The following ALPK1 variants were observed in gnomAD, a reference collection of about 807,000 sequenced individuals.
ALPK1 encodes alpha kinase 1, also known as alpha-protein kinase 1.
ALPK1 carries 110 observed loss-of-function variants against 120.6 expected under a neutral mutation model. That is an observed-to-expected ratio of 0.91 (90% CI 0.78 to 1.07). The LOEUF (loss-of-function observed/expected upper bound fraction) is 1.07, where lower values mean the gene tolerates loss of function less well. Among genes scored for constraint, ALPK1 ranks in the 50% least tolerant of loss-of-function variants. The pLI is 0.00. For missense variants in ALPK1, 1,498 were observed against 1,483.9 expected (o/e 1.01, Z -0.16); for synonymous variants, 582 against 560.3 (o/e 1.04, Z -0.55).
chr4:112,301,752 T>C (rs976073578), intron 1 of ALPK1, among the ~76,000 whole-genome samples: 3 of 152,108 alleles, frequency 2.0e-5, no homozygotes, highest in Non-Finnish European at 1.5e-5. Context: ...TATTTACTTA[T>C]TTATTTATTT....
chr4:112,424,883 T>A (rs1734168507), intron 6 of ALPK1, among the ~76,000 whole-genome samples: 1 of 152,230 alleles, frequency 6.6e-6, no homozygotes, highest in Admixed American at 6.5e-5. Context: ...CTATTTTTGA[T>A]GTTTGACCGA....
intron 2 of ALPK1, among the ~76,000 whole-genome samples, chr4:112,330,888 C>T (rs763304010): frequency 2.6e-5 from 4 of 152,190 alleles, no homozygotes; most frequent in Non-Finnish European, 4.4e-5. Flanking sequence ...AGTAAGTCCA[C>T]AGACGGTATT....
chr4:112,299,174 T>C (rs916068647), intron 1 of ALPK1, among the ~76,000 whole-genome samples: 25 of 152,136 alleles, frequency 1.6e-4, no homozygotes, highest in African/African-American at 6.0e-4. Context: ...TTGCAGAATG[T>C]TGTAATATGC....
At chr4:112,401,524 T>C (rs1732913497) in intron 4 of ALPK1, among the ~76,000 whole-genome samples, 1 of 152,116 alleles carries the variant, frequency 6.6e-6, no homozygotes, top group Non-Finnish European at 1.5e-5. Context: ...TAGAAGAAGA[T>C]AGTTGGAGAG....
chr4:112,359,668 G>T, intron 2 of ALPK1: 1 of 241,892 alleles, frequency 4.1e-6, no homozygotes, highest in East Asian at 9.4e-5. Flanking sequence ...GGGGCCTTGG[G>T]GGAGGATGGT....
chr4:112,426,793 C>T (rs949785551), intron 8 of ALPK1, among the ~76,000 whole-genome samples: 2 of 152,152 alleles, frequency 1.3e-5, no homozygotes, highest in African/African-American at 4.8e-5. Context: ...ATATATTTAT[C>T]TCTACTGGTC....
intron 2 of ALPK1, among the ~76,000 whole-genome samples, chr4:112,374,694 G>T (rs1731572786): frequency 6.6e-6 from 1 of 152,032 alleles, no homozygotes; most frequent in Non-Finnish European, 1.5e-5. Context: ...TGACCCATGG[G>T]CTGTAGAATG....
chr4:112,434,359 C>T (rs546308598), intron 11 of ALPK1, among the ~76,000 whole-genome samples: 12 of 152,348 alleles, frequency 7.9e-5, no homozygotes, highest in Admixed American at 2.0e-4. Context: ...GCATCCCCTG[C>T]CCAGAACTGT....
intron 2 of ALPK1, among the ~76,000 whole-genome samples, chr4:112,335,353 T>C (rs1729568684): frequency 6.6e-6 from 1 of 152,158 alleles, no homozygotes; most frequent in South Asian, 2.1e-4. Context: ...CATTGAGCTG[T>C]AGTCTTTTCT....
chr4:112,392,808 G>A (rs569234339), intron 4 of ALPK1, among the ~76,000 whole-genome samples: 23 of 152,288 alleles, frequency 1.5e-4, no homozygotes, highest in East Asian at 7.7e-4. Flanking sequence ...TGGGATTGCC[G>A]GATTGAACCA....
intron 2 of ALPK1, among the ~76,000 whole-genome samples, chr4:112,335,033 G>A (rs922277871): frequency 1.1e-4 from 16 of 152,092 alleles, no homozygotes; most frequent in African/African-American, 3.1e-4. Flanking sequence ...CGAGGAGGGC[G>A]GATCACCTGA....
intron 7 of ALPK1, chr4:112,426,123 A>G (rs1734222496): frequency 4.9e-6 from 1 of 205,500 alleles, no homozygotes; most frequent in African/African-American, 2.3e-5. Context: ...GAATTTTTCA[A>G]GTTTATAGAA....
chr4:112,356,361 G>A, intron 2 of ALPK1: 1 of 844,396 alleles, frequency 1.2e-6, no homozygotes, highest in Non-Finnish European at 2.1e-6. Flanking sequence ...AGGGTGCAAG[G>A]GGAGCTTCTC....
chr4:112,348,453 C>T (rs1730190901), intron 2 of ALPK1, among the ~76,000 whole-genome samples: 1 of 152,224 alleles, frequency 6.6e-6, no homozygotes, highest in Non-Finnish European at 1.5e-5. Context: ...TTTGCAGACA[C>T]ATTTTGAGTT....
chr4:112,429,839 C>CAA (rs756983786), intron 10 of ALPK1, among the ~76,000 whole-genome samples: 23 of 40,004 alleles, frequency 5.7e-4, no homozygotes, highest in African/African-American at 1.4e-3. Flanking sequence ...GACCCTACCT[C>CAA]AAAAAAAAAA....
At chr4:112,425,876 C>A in intron 7 of ALPK1, 125 bp downstream of exon 7, 1 of 676,892 alleles carries the variant, frequency 1.5e-6, no homozygotes, top group East Asian at 2.9e-5. Context: ...TTAGTTTCCT[C>A]ATCGAAAAGA....
chr4:112,374,826 G>A (rs1252827113), intron 2 of ALPK1, among the ~76,000 whole-genome samples: 1 of 152,118 alleles, frequency 6.6e-6, no homozygotes, highest in Admixed American at 6.5e-5. Flanking sequence ...TTTTCTGGGA[G>A]GTAGGTCTCA....
At chr4:112,422,654 C>T (rs906072514) in intron 5 of ALPK1, among the ~76,000 whole-genome samples, 1 of 152,218 alleles carries the variant, frequency 6.6e-6, no homozygotes, top group African/African-American at 2.4e-5. Flanking sequence ...TGGCTTAAAA[C>T]AGTAATAATT....
chr4:112,432,695 T>G (rs754344164), intron 11 of ALPK1, 114 bp downstream of exon 11: 1 of 968,544 alleles, frequency 1.0e-6, no homozygotes, highest in Non-Finnish European at 1.5e-6. Flanking sequence ...AACCCTGGTA[T>G]GCTTTGTGAG....
Sources: gnomAD v4.1 joint callset for allele counts (sites outside exome capture counted in the v4.1 genomes callset) on GRCh38, gnomAD v4.1.1 for gene constraint, MANE v1.5 for transcripts, NCBI Gene and HGNC (gene_info 2026-07-23, HGNC 2026-07-21) for gene names.